MTERF4: variants seen among roughly 807,000 people sequenced by gnomAD.
MTERF4 encodes the protein mitochondrial transcription termination factor 4.
MTERF4 carries 17 observed loss-of-function variants against 22.5 expected under a neutral mutation model. The observed-to-expected ratio is 0.75, with a 90% CI of 0.52 to 1.13. The LOEUF is 1.13. Among genes scored for constraint, MTERF4 ranks in the 50% most tolerant of loss-of-function variants. The pLI is 0.00. For synonymous variants in MTERF4, 165 were observed against 175.3 expected (o/e 0.94, Z 0.47); for missense variants, 420 against 466.8 (o/e 0.90, Z 0.92).
chr2:241,049,659 C>T, the MTERF4 span, among the ~76,000 whole-genome samples: 1 of 152,194 alleles, frequency 6.6e-6, no homozygotes, highest in African/African-American at 2.4e-5. Context: ...CTAGAGCCCA[C>T]TCTGAGGAAT....
At chr2:241,098,283 TA>T (rs2064546823) in intron 2 of MTERF4, among the ~76,000 whole-genome samples, 1 of 152,244 alleles carries the variant, frequency 6.6e-6, no homozygotes, top group South Asian at 2.1e-4. Context: ...GATTACACTG[TA>T]AGAATCTGTT....
At chr2:241,080,690 G>A (rs572949329) in intron 4 of MTERF4, among the ~76,000 whole-genome samples, 4 of 152,360 alleles carry the variant, frequency 2.6e-5, no homozygotes, top group South Asian at 2.1e-4. Context: ...AGCAATGGAC[G>A]GAAGCCCATG....
the MTERF4 span, among the ~76,000 whole-genome samples, chr2:241,066,910 G>C: frequency 6.6e-6 from 1 of 152,208 alleles, no homozygotes; most frequent in African/African-American, 2.4e-5. Flanking sequence ...CCACCAAGGG[G>C]CTGGAGTTCC....
At chr2:241,067,712 C>A, downstream of MTERF4, 1 of 1,509,310 alleles carries the variant, frequency 6.6e-7, no homozygotes, top group East Asian at 2.3e-5. Flanking sequence ...CCCCTGCACT[C>A]CCCCAGGAGC....
chr2:241,085,822 T>C (rs1455037502), downstream of MTERF4, among the ~76,000 whole-genome samples: 1 of 151,852 alleles, frequency 6.6e-6, no homozygotes, highest in East Asian at 1.9e-4. Flanking sequence ...CTGGGGTTAA[T>C]TTTGCCCTAG....
At chr2:241,094,358 A>ACGGAGTCAC (rs143729553), downstream of MTERF4, 159 of 470,824 alleles carry the variant, frequency 3.4e-4, no homozygotes, top group African/African-American at 2.9e-3. This position sits in a 1 kb window ranked among gnomAD's most constrained non-coding sequence, Gnocchi z 4.3. Flanking sequence ...GGCGATGTGG[A>ACGGAGTCAC]CGGAGTCACC....
At position 241,097,994 on chromosome 2, in the gene MTERF4, T is replaced by G. The variant is rs140140457; in HGVS notation, c.521-567A>C. Among the ~76,000 whole-genome samples, 696 of 152,228 alleles carry G rather than the reference T, an allele frequency of 4.6e-3. 3 individuals carry two copies. The highest frequency in any genetic ancestry group is 7.7e-3 in the Non-Finnish European group (523 of 68,016). ...GTTACCAGGGTCACCATATATCTTC[T>G]CCAAGCCAGGGCACCTTGAGTGAAA... On this transcript the variant is annotated intron_variant, in intron 2 of 3. Coordinates refer to ENST00000391980, the MANE Select transcript of MTERF4 (RefSeq NM_182501.4).
chr2:241,069,192 T>C (rs1408780045), downstream of MTERF4, among the ~76,000 whole-genome samples: 5 of 152,194 alleles, frequency 3.3e-5, no homozygotes, highest in Non-Finnish European at 7.3e-5. The surrounding 1 kb of genome is among the most constrained non-coding windows in gnomAD (Gnocchi z 4.9). Flanking sequence ...GCCGCTGGGC[T>C]GGGCTGGGCC....
At chr2:241,062,559 C>T in the MTERF4 span, among the ~76,000 whole-genome samples, 2 of 152,148 alleles carry the variant, frequency 1.3e-5, no homozygotes, top group East Asian at 1.9e-4. Context: ...CTTCTGGGAG[C>T]CCTGGGGTGG....
chr2:241,094,756 C>G (rs568729757), downstream of MTERF4: 12 of 169,506 alleles, frequency 7.1e-5, 1 homozygote, highest in South Asian at 5.0e-4. The surrounding 1 kb of genome is among the most constrained non-coding windows in gnomAD (Gnocchi z 4.3). Context: ...GGCCTCTACC[C>G]ACTAGAATCC....
chr2:241,088,114 T>C, downstream of MTERF4: 2 of 373,696 alleles, frequency 5.4e-6, no homozygotes, highest in East Asian at 4.9e-5. Flanking sequence ...ACGTCCATCC[T>C]CTCTCTCTCT....
chr2:241,101,944 T>C (rs1337561580), intron 1 of MTERF4, among the ~76,000 whole-genome samples: 3 of 151,934 alleles, frequency 2.0e-5, no homozygotes, highest in East Asian at 1.9e-4. Context: ...TCCCAGCTAC[T>C]TGGGAGGCTG....
rs548958911 is a variant in MTERF4, at chr2:241,096,859, A to G, written c.705+384T>C. The stretch of plus-strand genomic sequence containing the variant: ...TACATTTTCAAAATCAACATGCAAA[A>G]TAGATTCTAAGGACAGGAAGGTTTC... On this transcript the variant is annotated intron_variant, in intron 3 of 3. Transcript: ENST00000391980. This position sits in a 1 kb window ranked among gnomAD's most constrained non-coding sequence, Gnocchi z 5.1. 50 of 569,506 alleles carry G rather than the reference A, an allele frequency of 8.8e-5. No individual in the cohort carries two copies. The African/African-American group carries it at 8.8e-4, about 10-fold the overall frequency. The allele number at this position is 569,506 out of a possible 1,614,324, so 35.3% of individuals were successfully genotyped here.
intron 2 of MTERF4, among the ~76,000 whole-genome samples, chr2:241,098,469 G>C (rs770518885): frequency 6.6e-6 from 1 of 152,186 alleles, no homozygotes; most frequent in African/African-American, 2.4e-5. Context: ...GTGGGTAAGG[G>C]TCCTTGGAGA....
chr2:241,049,063 G>C, the MTERF4 span: 1 of 1,613,636 alleles, frequency 6.2e-7, no homozygotes. Context: ...ACAGTGCCCA[G>C]ATGGGGGCTA....
the MTERF4 span, among the ~76,000 whole-genome samples, chr2:241,066,530 G>A: frequency 6.6e-6 from 1 of 152,190 alleles, no homozygotes; most frequent in African/African-American, 2.4e-5. Flanking sequence ...CATGCCTGTG[G>A]CCTCCAGACA....
Position 241,099,675 on chromosome 2 carries a change from G to T in MTERF4, c.241C>A (p.Gln81Lys). The T allele has an allele frequency of 6.2e-7, 1 of 1,614,194 alleles. No individual in the cohort carries two copies. Among genetic ancestry groups the T allele is most frequent in the South Asian group, 1.1e-5 (1 of 91,086 alleles). Reference protein sequence around the residue: ...RNLVQCLLEKQGTPVVQGSLE... With the variant: ...RNLVQCLLEKKGTPVVQGSLE... ...GACCCTTGTACCACAGGAGTCCCCT[G>T]CTTCTCAAGGAGGCACTGAACAAGA... Residue 81 changes from glutamine (Q) to lysine (K), a missense_variant, in exon 2 of 4, where the codon CAG becomes AAG. Coordinates refer to ENST00000391980, the MANE Select transcript of MTERF4 (RefSeq NM_182501.4).
chr2:241,049,730 C>T, the MTERF4 span: 1 of 957,938 alleles, frequency 1.0e-6, no homozygotes, highest in Non-Finnish European at 1.6e-6. Context: ...TCAGGGTAAC[C>T]CTGGCAGGCA....
intron 4 of MTERF4, among the ~76,000 whole-genome samples, chr2:241,079,977 AAG>A (rs1160979045): frequency 4.6e-5 from 7 of 152,162 alleles, no homozygotes; most frequent in African/African-American, 1.2e-4. Flanking sequence ...TATAAAATGA[AAG>A]AAGTTAAAAA....
Sources: gnomAD v4.1 joint callset for allele counts (sites outside exome capture counted in the v4.1 genomes callset) on GRCh38, gnomAD v4.1.1 for gene constraint, Gnocchi (gnomAD v3.1) non-coding constraint, MANE v1.5 for transcripts, NCBI Gene and HGNC (gene_info 2026-07-23, HGNC 2026-07-21) for gene names.